The following PPP1CB variants were observed in gnomAD, a reference collection of about 807,000 sequenced individuals.
The protein encoded by PPP1CB is protein phosphatase 1 catalytic subunit beta, also known as serine/threonine-protein phosphatase PP1-beta catalytic subunit.
In PPP1CB, 2 loss-of-function variants were observed where a neutral mutation model predicts 43.7. The observed-to-expected ratio is 0.05, with a 90% confidence interval of 0.02 to 0.14. The LOEUF (loss-of-function observed/expected upper bound fraction) is 0.14, where lower values mean the gene tolerates loss of function less well. Ranked by LOEUF, PPP1CB falls within the 10% of genes least tolerant of loss-of-function variation. The pLI is 1.00. For missense variants in PPP1CB, 84 were observed against 398.0 expected (o/e 0.21, Z 6.71); for synonymous variants, 136 against 135.6 (o/e 1.00, Z -0.02).
chr2:28,763,578 AT>A (rs1666708692), intron 1 of PPP1CB, among the ~76,000 whole-genome samples: 1 of 152,064 alleles, frequency 6.6e-6, no homozygotes, highest in Non-Finnish European at 1.5e-5. Context: ...CTTTTTACTT[AT>A]GCTTTGTGAA....
intron 1 of PPP1CB, among the ~76,000 whole-genome samples, chr2:28,753,609 T>G (rs1666402080): frequency 6.6e-6 from 1 of 152,256 alleles, no homozygotes; most frequent in South Asian, 2.1e-4. Flanking sequence ...TTGCTGGGTC[T>G]TTGAGAAATT....
intron 2 of PPP1CB, chr2:28,778,501 A>G (rs1667085547): frequency 1.8e-5 from 9 of 493,126 alleles, no homozygotes; most frequent in South Asian, 1.3e-4. Flanking sequence ...TCAGTTCCAA[A>G]TGAGCTGTTG....
intron 1 of PPP1CB, among the ~76,000 whole-genome samples, chr2:28,765,997 TA>T (rs899056476): frequency 6.4e-4 from 97 of 152,374 alleles, no homozygotes; most frequent in African/African-American, 1.9e-3. Context: ...GTTTCTCATA[TA>T]TTTTTTTGCC....
chr2:28,800,311 A>G lies in PPP1CB; in HGVS notation c.*1008A>G, dbSNP rs1667588672. ...AATCCTTTTTTGACAAGCCTTGGAA[A>G]GCTGACACTGTCTCTTTTTCCTCCC... On this transcript the variant is annotated 3_prime_UTR_variant, in exon 8 of 8. Coordinates refer to ENST00000395366, the MANE Select transcript of PPP1CB (RefSeq NM_002709.3). 1 of 146,318 alleles carries G rather than the reference A, an allele frequency of 6.8e-6. No individual in the cohort carries two copies. The allele number at this position is 146,318 out of a possible 1,614,324, so 9.1% of individuals were successfully genotyped here.
intron 5 of PPP1CB, 47 bp downstream of exon 5, chr2:28,784,025 A>G (rs966795420): frequency 2.8e-6 from 4 of 1,412,546 alleles, no homozygotes; most frequent in Admixed American, 3.5e-5. Context: ...GTGTTTTCAT[A>G]TTTGAACTTG....
intron 3 of PPP1CB, among the ~76,000 whole-genome samples, chr2:28,779,590 A>G (rs1047688655): frequency 6.6e-6 from 1 of 152,178 alleles, no homozygotes; most frequent in Non-Finnish European, 1.5e-5. Flanking sequence ...TCCAAGTGTT[A>G]TTATTAAAAT....
chr2:28,792,988 C>T (rs562963047), intron 6 of PPP1CB, among the ~76,000 whole-genome samples: 23 of 152,014 alleles, frequency 1.5e-4, no homozygotes, highest in Non-Finnish European at 2.6e-4. Flanking sequence ...GGCAGATGAC[C>T]TGAGGTCAGG....
intron 1 of PPP1CB, among the ~76,000 whole-genome samples, chr2:28,773,354 G>A (rs1004175554): frequency 2.0e-5 from 3 of 152,144 alleles, no homozygotes; most frequent in Non-Finnish European, 4.4e-5. Context: ...TAAGTTAGAA[G>A]ACTAAGTCTG....
chr2:28,764,696 C>T (rs1007931129), intron 1 of PPP1CB, among the ~76,000 whole-genome samples: 28 of 151,832 alleles, frequency 1.8e-4, no homozygotes, highest in African/African-American at 5.8e-4. Context: ...GAGGCCAAGG[C>T]GAGTGGATCA....
intron 1 of PPP1CB, among the ~76,000 whole-genome samples, chr2:28,762,391 A>G (rs1666676609): frequency 6.6e-6 from 1 of 152,244 alleles, no homozygotes; most frequent in Admixed American, 6.5e-5. Flanking sequence ...GAGAAGTGCC[A>G]TCATTTTATG....
intron 1 of PPP1CB, among the ~76,000 whole-genome samples, chr2:28,771,901 A>G (rs1055284799): frequency 9.9e-5 from 15 of 152,180 alleles, no homozygotes; most frequent in African/African-American, 3.6e-4. Flanking sequence ...ACTTCTGTTC[A>G]TCAAAAGATA....
chr2:28,756,330 C>T (rs182867187), intron 1 of PPP1CB, among the ~76,000 whole-genome samples: 45 of 152,284 alleles, frequency 3.0e-4, no homozygotes, highest in African/African-American at 1.0e-3. Flanking sequence ...TTATGAAAAT[C>T]GTGGGATGTG....
chr2:28,788,123 A>G (rs1305089939), intron 5 of PPP1CB, among the ~76,000 whole-genome samples: 1 of 152,202 alleles, frequency 6.6e-6, no homozygotes, highest in African/African-American at 2.4e-5. Context: ...GTTTATGTGG[A>G]AGAACAAAAG....
At position 28,781,835 on chromosome 2, in the gene PPP1CB, T is replaced by C. The variant is rs775189325; in HGVS notation, c.513T>C (p.Cys171=). The C allele has an allele frequency of 3.1e-6, 5 of 1,610,430 alleles. No homozygotes were observed. Among genetic ancestry groups the C allele is most frequent in the Non-Finnish European group, 4.2e-6 (5 of 1,177,132 alleles). ...AAIVDEKIFC[C]HGGLSPDLQS... is the part of the protein sequence containing the mutation. ...TTGTGGATGAGAAGATCTTCTGTTG[T>C]CATGGAGGTAGACTAGTAAATTTGC... The change falls in exon 4 of 8, where the codon TGT becomes TGC. Residue 171 remains cysteine (C), a synonymous_variant. Coordinates refer to ENST00000395366, the MANE Select transcript of PPP1CB (RefSeq NM_002709.3).
intron 1 of PPP1CB, among the ~76,000 whole-genome samples, chr2:28,774,933 A>G (rs1355856437): frequency 2.6e-5 from 4 of 152,124 alleles, no homozygotes; most frequent in Admixed American, 6.5e-5. Flanking sequence ...AAACTAGCAT[A>G]TTTGCTAAAG....
intron 1 of PPP1CB, among the ~76,000 whole-genome samples, chr2:28,767,122 C>T (rs975465296): frequency 2.0e-5 from 3 of 151,838 alleles, no homozygotes; most frequent in African/African-American, 7.3e-5. Flanking sequence ...ATACATAGTT[C>T]TTCAGCTTTT....
At chr2:28,782,482 CAG>C (rs1327168787) in intron 4 of PPP1CB, 1 of 153,174 alleles carries the variant, frequency 6.5e-6, no homozygotes, top group Non-Finnish European at 1.5e-5. Flanking sequence ...TTTAATATGT[CAG>C]AACTTATTAA....
intron 6 of PPP1CB, among the ~76,000 whole-genome samples, chr2:28,790,954 C>T (rs998505437): frequency 2.6e-5 from 4 of 152,024 alleles, no homozygotes; most frequent in Non-Finnish European, 5.9e-5. Context: ...CTTTTATGTC[C>T]GCCACCACTA....
intron 3 of PPP1CB, among the ~76,000 whole-genome samples, chr2:28,781,258 A>T (rs763161613): frequency 6.6e-6 from 1 of 152,124 alleles, no homozygotes; most frequent in African/African-American, 2.4e-5. Flanking sequence ...GATGTACAAC[A>T]TGATGTTTTG....
Sources: allele counts gnomAD v4.1 joint callset (sites outside exome capture counted in the v4.1 genomes callset), GRCh38; gene constraint gnomAD v4.1.1; transcripts MANE v1.5; gene names NCBI Gene and HGNC (gene_info 2026-07-23, HGNC 2026-07-21).